TENM2: variants seen among roughly 807,000 people sequenced by gnomAD.
The protein encoded by TENM2 is teneurin-2.
A neutral mutation model predicts 245.2 loss-of-function variants in TENM2; 52 were observed. The observed-to-expected ratio is 0.21, with a 90% CI of 0.17 to 0.27. TENM2 has a LOEUF of 0.27. Ranked by LOEUF, TENM2 falls within the 10% of genes least tolerant of loss-of-function variation. The pLI, the probability that TENM2 is intolerant of heterozygous loss-of-function variation, is 1.00. For missense variants in TENM2, 3,046 were observed against 3,666.8 expected (o/e 0.83, Z 4.37); for synonymous variants, 1,363 against 1,438.9 (o/e 0.95, Z 1.19).
At chr5:166,988,097 C>T in the TENM2 span, among the ~76,000 whole-genome samples, 1 of 152,212 alleles carries the variant, frequency 6.6e-6, no homozygotes. Flanking sequence ...GCGGCACTGA[C>T]CCTTTCCACA....
Position 167,919,034 on chromosome 5 carries a change from C to T in TENM2, c.713-33554C>T, listed in dbSNP as rs1002523074. Among the ~76,000 whole-genome samples the T allele has an allele frequency of 1.6e-4, 24 of 152,126 alleles. 1 individual carries two copies. Among genetic ancestry groups the T allele is most frequent in the Admixed American group, 1.4e-3 (22 of 15,270 alleles). ...GCACTGTGTGTGTATTATAATGCTC[C>T]AGTACTTTGATGCTTCACTAATGTG... On this transcript the variant is annotated intron_variant, in intron 3 of 28. Transcript: ENST00000518659.
At chr5:167,456,404 A>G (rs1765923812) in intron 2 of TENM2, among the ~76,000 whole-genome samples, 1 of 152,128 alleles carries the variant, frequency 6.6e-6, no homozygotes, top group Admixed American at 6.5e-5. Flanking sequence ...ATTGAACTTA[A>G]TCCAACCTCT....
chr5:167,750,426 AG>A (rs1183320704), intron 2 of TENM2, among the ~76,000 whole-genome samples: 5 of 152,102 alleles, frequency 3.3e-5, no homozygotes, highest in African/African-American at 1.2e-4. Flanking sequence ...GTCATCCTGT[AG>A]TGGTCCTCTT....
intron 4 of TENM2, among the ~76,000 whole-genome samples, chr5:167,984,095 A>T (rs940879803): frequency 6.6e-6 from 1 of 152,186 alleles, no homozygotes; most frequent in East Asian, 1.9e-4. Flanking sequence ...TCAGCCTCCT[A>T]GCAAGGTTAA....
intron 6 of TENM2, among the ~76,000 whole-genome samples, chr5:168,058,820 T>C (rs1252554794): frequency 1.3e-5 from 2 of 152,210 alleles, no homozygotes; most frequent in Non-Finnish European, 2.9e-5. Context: ...TTAGCAATTA[T>C]TTCATGATTA....
At chr5:167,278,964 C>T in the TENM2 span, among the ~76,000 whole-genome samples, 8 of 152,138 alleles carry the variant, frequency 5.3e-5, no homozygotes, top group Non-Finnish European at 1.0e-4. Flanking sequence ...AAAAATAGGT[C>T]TACTGTTGAC....
At chr5:167,652,836 G>A (rs887865805) in intron 2 of TENM2, among the ~76,000 whole-genome samples, 47 of 152,078 alleles carry the variant, frequency 3.1e-4, no homozygotes, top group Admixed American at 9.2e-4. Context: ...TCCCTCTTTC[G>A]CTTTTATTAC....
chr5:167,299,162 A>G (rs1755153422), intron 1 of TENM2, among the ~76,000 whole-genome samples: 2 of 152,132 alleles, frequency 1.3e-5, no homozygotes, highest in South Asian at 4.1e-4. Flanking sequence ...CCTTTCCTGA[A>G]GACTGAGGAC....
the TENM2 span, among the ~76,000 whole-genome samples, chr5:166,988,449 T>C: frequency 0.015 from 2,298 of 152,332 alleles, 24 homozygotes; most frequent in Non-Finnish European, 0.022. Context: ...GATGAGGGAC[T>C]ATTATTTACC....
the TENM2 span, among the ~76,000 whole-genome samples, chr5:167,243,881 A>G: frequency 2.6e-3 from 397 of 152,302 alleles, 3 homozygotes; most frequent in African/African-American, 9.0e-3. Context: ...GGACAAGTCT[A>G]AAATCCTTAG....
chr5:167,477,438 G>T (rs35914695), intron 2 of TENM2, among the ~76,000 whole-genome samples: 10 of 18,056 alleles, frequency 5.5e-4, no homozygotes, highest in South Asian at 2.7e-3. Context: ...GTTGGCGGGT[G>T]GGGGGGGAGG....
chr5:167,883,105 G>A (rs1774006702), intron 3 of TENM2, among the ~76,000 whole-genome samples: 1 of 152,148 alleles, frequency 6.6e-6, no homozygotes, highest in African/African-American at 2.4e-5. Flanking sequence ...AAGTTGAGAA[G>A]AGTGGTTTTG....
the TENM2 span, among the ~76,000 whole-genome samples, chr5:167,117,489 C>T: frequency 2.3e-3 from 353 of 151,844 alleles, 1 homozygote; most frequent in African/African-American, 8.1e-3. Context: ...GGCGACAGAG[C>T]GAGACTCCAT....
chr5:167,550,618 A>G (rs936722166), intron 2 of TENM2, among the ~76,000 whole-genome samples: 1 of 151,446 alleles, frequency 6.6e-6, no homozygotes, highest in African/African-American at 2.4e-5. Flanking sequence ...ACACACTTAC[A>G]CTGACAACAC....
chr5:167,780,056 A>T (rs1318662591), intron 2 of TENM2, among the ~76,000 whole-genome samples: 1 of 152,146 alleles, frequency 6.6e-6, no homozygotes, highest in African/African-American at 2.4e-5. Context: ...AATAAACAAC[A>T]CTGGTGACAC....
intron 3 of TENM2, chr5:167,952,384 T>A (rs1780179641): frequency 1.7e-6 from 1 of 596,884 alleles, no homozygotes; most frequent in Admixed American, 3.0e-5. Context: ...ATTTGATGCG[T>A]GTGGATAAAT....
intron 2 of TENM2, among the ~76,000 whole-genome samples, chr5:167,558,293 A>G (rs1773378743): frequency 6.6e-6 from 1 of 152,232 alleles, no homozygotes; most frequent in Non-Finnish European, 1.5e-5. Context: ...ATAGTCACAG[A>G]AGTTTATTTT....
chr5:167,722,528 G>A (rs1383751143), intron 2 of TENM2, among the ~76,000 whole-genome samples: 1 of 152,074 alleles, frequency 6.6e-6, no homozygotes, highest in East Asian at 1.9e-4. Flanking sequence ...TTCTTGTTGA[G>A]GGTGAAAAAG....
At chr5:168,118,268 G>C (rs764806590) in intron 9 of TENM2, 24 bp from the exon 12 acceptor site, 2 of 1,497,264 alleles carry the variant, frequency 1.3e-6, no homozygotes, top group South Asian at 2.8e-5. Flanking sequence ...TCGTGACCTA[G>C]TGCTCTGTCT....
Sources: gnomAD v4.1 joint callset for allele counts (sites outside exome capture counted in the v4.1 genomes callset) on GRCh38, gnomAD v4.1.1 for gene constraint, MANE v1.5 for transcripts, NCBI Gene and HGNC (gene_info 2026-07-23, HGNC 2026-07-21) for gene names.